RPL3: variants seen among roughly 807,000 people sequenced by gnomAD.
RPL3 encodes the protein ribosomal protein L3, also known as large ribosomal subunit protein uL3.
Under a neutral mutation model 46.0 loss-of-function variants are expected in RPL3, and 3 were observed. That is an observed-to-expected ratio of 0.07 (90% confidence interval 0.03 to 0.17). The LOEUF (loss-of-function observed/expected upper bound fraction) is 0.17. Among genes scored for constraint, RPL3 ranks in the 10% least tolerant of loss-of-function variants. The probability of loss-of-function intolerance (pLI) is 1.00; values close to 1 mark genes in which losing one functional copy is unlikely to be tolerated. For synonymous variants in RPL3, 224 were observed against 190.8 expected, an observed-to-expected ratio of 1.17 and a Z score of -1.43; for missense variants, 387 against 532.7, an observed-to-expected ratio of 0.73 and a Z score of 2.69.
intron 3 of RPL3, 41 bp from the exon 4 acceptor site, chr22:39,316,882 G>A (rs373792416): frequency 1.0e-4 from 162 of 1,613,020 alleles, no homozygotes; most frequent in Non-Finnish European, 1.3e-4. Context: ...ACCAGGTGCA[G>A]GCCTTCATCA....
At chr22:39,317,123 A>G (rs2072872) in intron 3 of RPL3, 242,143 of 594,464 alleles carry the variant, frequency 0.41, 55,372 homozygotes, top group East Asian at 0.92. Context: ...CTCAGTGATG[A>G]AGGAAATGGG....
chr22:39,317,354 A>G (rs1569161563), intron 3 of RPL3, 107 bp downstream of exon 3: 1 of 1,310,356 alleles, frequency 7.6e-7, no homozygotes, highest in East Asian at 2.3e-5. Context: ...TAAACCCAAG[A>G]CAGCAGCTCC....
intron 4 of RPL3, 67 bp downstream of exon 4, chr22:39,316,638 AC>A: frequency 6.3e-7 from 1 of 1,599,992 alleles, no homozygotes; most frequent in South Asian, 1.1e-5. Flanking sequence ...CGGGCACGGG[AC>A]CCCCATGATC....
Position 39,316,821 on chromosome 22 carries a change from G to T in RPL3, c.386C>A (p.Ala129Asp). Residue 129 changes from alanine (A) to aspartate (D), a missense_variant, in exon 4 of 10, where the codon GCC becomes GAC. Physicochemically the swap from Ala to Asp is moderately radical, Grantham distance 126 (BLOSUM62 -2). Coordinates refer to ENST00000216146, the MANE Select transcript of RPL3 (RefSeq NM_000967.4). ...YKNWHKSKKK[A>D]FTKYCKKWQD... ...CCATTTCTTGCAGTACTTGGTAAAG[G>T]CCTTCTTCTTAGATTTATGCCTTCA... 6.2e-7 allele frequency: 1 copy of T among 1,614,034 alleles called. No homozygotes were observed. The highest frequency in any genetic ancestry group is 8.5e-7 in the Non-Finnish European group (1 of 1,180,030).
chr22:39,314,279 C>G (rs1467138644), intron 6 of RPL3, 71 bp from the exon 7 acceptor site: 71 of 1,330,720 alleles, frequency 5.3e-5, no homozygotes, highest in Non-Finnish European at 7.5e-5. Context: ...GTGTGCTGAC[C>G]TGCAAAGCAC....
chr22:39,314,493 A>C, intron 6 of RPL3, 193 bp downstream of exon 6: 1 of 688,524 alleles, frequency 1.5e-6, no homozygotes, highest in Non-Finnish European at 2.4e-6. Flanking sequence ...AGTCAGCCCC[A>C]CCACAGCCAC....
intron 4 of RPL3, among the ~76,000 whole-genome samples, 186 bp downstream of exon 4, chr22:39,316,520 T>C (rs1922699511): frequency 6.6e-6 from 1 of 152,224 alleles, no homozygotes; most frequent in Admixed American, 6.5e-5. Context: ...ATTTCAGTGT[T>C]ACTGGTGAGT....
Position 39,314,018 on chromosome 22 carries a change from C to T in RPL3, c.951+89G>A, listed in dbSNP as rs541202838. On this transcript the variant is annotated intron_variant, in intron 7 of 9. Transcript: ENST00000216146. ...TAGGTGTTGTGTTGGCTTCAGTTAA[C>T]GATCCTGCTAGCAGCCCCTAGGAAG... 8.1e-5 allele frequency: 90 copies of T among 1,114,352 alleles called. No individual in the cohort carries two copies. In the South Asian group the frequency reaches 1.0e-3, roughly 13 times the overall value. 69.0% of individuals were successfully genotyped at this position (1,114,352 alleles called of 1,614,324 possible).
intron 8 of RPL3, 102 bp from the exon 9 acceptor site, chr22:39,313,412 A>G (rs145119387): frequency 0.014 from 20,940 of 1,542,886 alleles, 187 homozygotes; most frequent in Non-Finnish European, 0.017. Flanking sequence ...CGATCAATTC[A>G]GCCTCCCCCA....
At chr22:39,318,764 C>T (rs1922862533) in intron 1 of RPL3, 172 bp from the exon 2 acceptor site, 1 of 617,230 alleles carries the variant, frequency 1.6e-6, no homozygotes, top group East Asian at 2.8e-5. Flanking sequence ...GTCAAGAATG[C>T]TTTTGTATTC....
Position 39,316,776 on chromosome 22 carries a change from T to C in RPL3, c.431A>G (p.Lys144Arg), listed in dbSNP as rs142465478. The C allele has an allele frequency of 6.2e-7, 1 of 1,613,970 alleles. No individual in the cohort carries two copies. The highest frequency in any genetic ancestry group is 8.5e-7 in the Non-Finnish European group (1 of 1,179,948). The change falls in exon 4 of 10, where the codon AAG becomes AGG. Residue 144 changes from lysine to arginine, a missense_variant. Coordinates refer to ENST00000216146, the MANE Select transcript of RPL3 (RefSeq NM_000967.4). ...GCTGCTGAAGTCCTTCTCCAGCTGC[T>C]TCTTGCCATCCTCATCCTGCCATTT... ...CKKWQDEDGK[K>R]QLEKDFSSMK... is the part of the protein sequence containing the mutation.
chr22:39,314,466 G>T (rs1922554104), intron 6 of RPL3: 2 of 645,064 alleles, frequency 3.1e-6, no homozygotes, highest in Non-Finnish European at 5.3e-6. Context: ...AATAAGACTA[G>T]TATCCCCAGC....
chr22:39,318,640 C>T lies in RPL3; in HGVS notation c.4-48G>A, dbSNP rs1203538290. 6.7e-6 allele frequency: 10 copies of T among 1,482,426 alleles called. No individual in the cohort carries two copies. In the Admixed American group the frequency reaches 1.1e-4, roughly 16 times the overall value. 91.8% of individuals were successfully genotyped at this position (1,482,426 alleles called of 1,614,324 possible). A position where few individuals can be genotyped will look rare whatever the true frequency, so the allele number is the denominator to read the frequency against. On this transcript the variant is annotated intron_variant, in intron 1 of 9. Coordinates refer to ENST00000216146, the MANE Select transcript of RPL3 (RefSeq NM_000967.4). ...TCAGCACCCAAACCAAAGCAGTGCC[C>T]CCTTCTCTAGTTCCCAGCTGCTTAA...
chr22:39,319,539 G>C (rs756982774), intron 1 of RPL3, 56 bp downstream of exon 1: 3 of 1,556,090 alleles, frequency 1.9e-6, no homozygotes, highest in Non-Finnish European at 2.6e-6. Context: ...GATGCGTCGC[G>C]GATTCAGCCG....
intron 4 of RPL3, among the ~76,000 whole-genome samples, chr22:39,316,365 C>T (rs1721803877): frequency 6.6e-6 from 1 of 152,158 alleles, no homozygotes; most frequent in Admixed American, 6.5e-5. Flanking sequence ...TGGGGTTGCA[C>T]TCAGCACTTG....
intron 3 of RPL3, chr22:39,317,253 C>T (rs2146517573): frequency 1.6e-6 from 1 of 627,706 alleles, no homozygotes; most frequent in South Asian, 2.1e-5. Context: ...CACCCACTAG[C>T]CTGGACTCAG....
chr22:39,315,012 G>A, intron 5 of RPL3, 166 bp from the exon 6 acceptor site: 1 of 985,334 alleles, frequency 1.0e-6, no homozygotes, highest in South Asian at 1.6e-5. Flanking sequence ...AGGCTCTGGG[G>A]GTGTCACCCT....
intron 3 of RPL3, 142 bp downstream of exon 3, chr22:39,317,319 G>C: frequency 2.2e-6 from 2 of 923,784 alleles, no homozygotes; most frequent in Non-Finnish European, 3.2e-6. Flanking sequence ...CTGATCCCAG[G>C]TATTTTTCTG....
intron 9 of RPL3, 86 bp from the exon 10 acceptor site, chr22:39,313,070 A>C (rs1922457719): frequency 6.2e-7 from 1 of 1,606,984 alleles, no homozygotes; most frequent in Non-Finnish European, 8.5e-7. Context: ...ACTCTGGGCC[A>C]GTCTCCACAG....
Sources: gnomAD v4.1 joint callset for allele counts (sites outside exome capture counted in the v4.1 genomes callset) on GRCh38, gnomAD v4.1.1 for gene constraint, MANE v1.5 for transcripts, NCBI Gene and HGNC (gene_info 2026-07-23, HGNC 2026-07-21) for gene names.